AQR: variants seen among roughly 807,000 people sequenced by gnomAD.
AQR encodes the protein RNA helicase aquarius.
A neutral mutation model predicts 180.5 loss-of-function variants in AQR; 61 were observed. The ratio of observed to expected loss-of-function variants is 0.34; its 90% CI spans 0.28 to 0.42. The LOEUF is 0.42. Ranked by LOEUF, AQR falls within the 10% of genes least tolerant of loss-of-function variation. The pLI is 1.00. For missense variants in AQR, 1,281 were observed against 1,798.3 expected (o/e 0.71, Z 5.20); for synonymous variants, 551 against 588.8 (o/e 0.94, Z 0.93).
At chr15:34,915,634 TA>T (rs879599371) in intron 15 of AQR, among the ~76,000 whole-genome samples, 7 of 152,086 alleles carry the variant, frequency 4.6e-5, no homozygotes, top group Non-Finnish European at 1.0e-4. Context: ...ACCAGATTAA[TA>T]AATGTTGGCT....
At chr15:34,877,422 A>G (rs1892902958) in intron 27 of AQR, among the ~76,000 whole-genome samples, 1 of 152,176 alleles carries the variant, frequency 6.6e-6, no homozygotes, top group Non-Finnish European at 1.5e-5. Context: ...TTTTAAAGTT[A>G]TGGTTCAATC....
intron 2 of AQR, among the ~76,000 whole-genome samples, chr15:34,962,606 T>C (rs1432355691): frequency 6.6e-6 from 1 of 151,802 alleles, no homozygotes; most frequent in Non-Finnish European, 1.5e-5. Context: ...CCGTCTCTAC[T>C]AAAAATACAA....
At chr15:34,927,002 A>G in intron 13 of AQR, 33 bp downstream of exon 13, 1 of 1,349,152 alleles carries the variant, frequency 7.4e-7, no homozygotes, top group East Asian at 2.4e-5. Context: ...CATGATACAA[A>G]AAAAGAATAT....
chr15:34,914,910 A>G (rs986116212), intron 16 of AQR, 128 bp downstream of exon 16: 1 of 959,302 alleles, frequency 1.0e-6, no homozygotes, highest in Non-Finnish European at 1.5e-6. Flanking sequence ...CAAAGAGTAA[A>G]TATCTCCTAT....
At chr15:34,904,286 A>C (rs762666684) in intron 19 of AQR, 50 bp downstream of exon 19, 2 of 1,338,234 alleles carry the variant, frequency 1.5e-6, no homozygotes, top group South Asian at 3.3e-5. Context: ...ATGTCATAAA[A>C]GTTACTTAAA....
intron 32 of AQR, 134 bp from the exon 33 acceptor site, chr15:34,863,175 A>C (rs1344108691): frequency 1.3e-6 from 1 of 769,802 alleles, no homozygotes; most frequent in Non-Finnish European, 2.0e-6. Context: ...TTAAAAACTT[A>C]ATAGAAGTTA....
chr15:34,942,431 C>T (rs1338642079), intron 6 of AQR, among the ~76,000 whole-genome samples: 1 of 152,208 alleles, frequency 6.6e-6, no homozygotes, highest in South Asian at 2.1e-4. Flanking sequence ...ATTCTCAGCT[C>T]TCATACTGTA....
At chr15:34,920,819 G>A (rs750515133) in intron 13 of AQR, among the ~76,000 whole-genome samples, 2 of 152,112 alleles carry the variant, frequency 1.3e-5, no homozygotes, top group African/African-American at 2.4e-5. Context: ...TTAGCCGGGC[G>A]TGGTGGCGGG....
intron 5 of AQR, among the ~76,000 whole-genome samples, chr15:34,945,447 A>C (rs968408970): frequency 2.6e-5 from 4 of 152,214 alleles, no homozygotes; most frequent in African/African-American, 9.6e-5. Context: ...TCTACCTTCT[A>C]CATCTCTGTA....
Position 34,857,113 on chromosome 15 carries a change from A to T in AQR, c.4144-7T>A, listed in dbSNP as rs1203164028. The T allele has an allele frequency of 1.2e-5, 9 of 744,488 alleles. No homozygotes were observed. The highest frequency in any genetic ancestry group is 1.7e-5 in the Non-Finnish European group (9 of 541,910). The allele number at this position is 744,488 out of a possible 1,614,324, so 46.1% of individuals were successfully genotyped here. A position where few individuals can be genotyped will look rare whatever the true frequency, so the allele number is the denominator to read the frequency against. On this transcript the variant is annotated splice_polypyrimidine_tract_variant and splice_region_variant and intron_variant, in intron 34 of 34. Transcript: ENST00000156471. ...GTGGTAGTTGTAATAAAGTCTAATT[A>T]AAAAAAAAAAAACAAAGACAATACC...
chr15:34,928,692 G>T (rs909442232), intron 12 of AQR, among the ~76,000 whole-genome samples: 1 of 152,142 alleles, frequency 6.6e-6, no homozygotes, highest in African/African-American at 2.4e-5. Context: ...ATATTCTTTA[G>T]GGTATATACC....
At chr15:34,963,795 C>A (rs2050294986) in intron 2 of AQR, among the ~76,000 whole-genome samples, 1 of 150,886 alleles carries the variant, frequency 6.6e-6, no homozygotes, top group South Asian at 2.1e-4. Context: ...TCCCGAGTAG[C>A]TGGGACTACA....
intron 27 of AQR, among the ~76,000 whole-genome samples, chr15:34,878,316 G>A (rs1566980747): frequency 6.8e-6 from 1 of 147,660 alleles, no homozygotes; most frequent in East Asian, 2.0e-4. Context: ...AACCCAAGAG[G>A]CAGAGGTTGC....
intron 2 of AQR, 80 bp downstream of exon 2, chr15:34,964,154 T>C: frequency 2.0e-6 from 2 of 1,020,538 alleles, no homozygotes; most frequent in Admixed American, 2.6e-5. Context: ...TTTAAAAAAA[T>C]TATGGAAAGC....
intron 3 of AQR, among the ~76,000 whole-genome samples, chr15:34,958,900 G>A (rs933406657): frequency 5.9e-5 from 9 of 151,940 alleles, no homozygotes; most frequent in African/African-American, 1.9e-4. Flanking sequence ...TGAAATACCA[G>A]CCCTTGTCTC....
intron 27 of AQR, 29 bp downstream of exon 27, chr15:34,882,473 A>AG: frequency 6.9e-7 from 1 of 1,444,890 alleles, no homozygotes; most frequent in Admixed American, 2.9e-5. Flanking sequence ...CTTAAAAAAA[A>AG]AAAAAAAAAA....
chr15:34,925,653 C>A (rs1032883325), intron 13 of AQR, among the ~76,000 whole-genome samples: 3 of 152,042 alleles, frequency 2.0e-5, no homozygotes, highest in Non-Finnish European at 4.4e-5. Flanking sequence ...GCCTGGCCAA[C>A]ATGGTGAAAC....
intron 3 of AQR, among the ~76,000 whole-genome samples, chr15:34,955,186 AT>A (rs1894290954): frequency 6.6e-6 from 1 of 152,178 alleles, no homozygotes; most frequent in South Asian, 2.1e-4. Context: ...AATATAAATA[AT>A]TTGAAGGATA....
At chr15:34,858,231 A>G (rs575801497) in intron 34 of AQR, among the ~76,000 whole-genome samples, 4 of 149,106 alleles carry the variant, frequency 2.7e-5, no homozygotes, top group South Asian at 2.1e-4. Flanking sequence ...TGATCCACCT[A>G]CCTCAGCCTC....
Sources: allele counts gnomAD v4.1 joint callset (sites outside exome capture counted in the v4.1 genomes callset), GRCh38; gene constraint gnomAD v4.1.1; transcripts MANE v1.5; gene names NCBI Gene and HGNC (gene_info 2026-07-23, HGNC 2026-07-21).